The following RACK1 variants were observed in gnomAD, a reference collection of about 807,000 sequenced individuals.
RACK1 encodes small ribosomal subunit protein RACK1.
In RACK1, 3 loss-of-function variants were observed where a neutral mutation model predicts 42.2. The ratio of observed to expected loss-of-function variants is 0.07; its 90% CI spans 0.03 to 0.18. RACK1 has a LOEUF of 0.18. RACK1 is among the 10% of genes least tolerant of loss of function. The probability of loss-of-function intolerance (pLI) is 1.00; values close to 1 mark genes in which losing one functional copy is unlikely to be tolerated. For synonymous variants in RACK1, 181 were observed against 154.8 expected, an observed-to-expected ratio of 1.17 and a Z score of -1.25; for missense variants, 146 against 403.2, an observed-to-expected ratio of 0.36 and a Z score of 5.46.
At chr5:181,237,204 C>G in intron 7 of RACK1, 162 bp from the exon 8 acceptor site, 1 of 1,369,164 alleles carries the variant, frequency 7.3e-7, no homozygotes, top group South Asian at 1.3e-5. Context: ...TAAGCCCCTG[C>G]AGTTCAAGAG....
chr5:181,242,841 G>A, intron 1 of RACK1: 1 of 328,438 alleles, frequency 3.0e-6, no homozygotes, highest in Non-Finnish European at 5.9e-6. Context: ...TTATAGGCGT[G>A]AGCCACCGCG....
intron 2 of RACK1, 70 bp downstream of exon 2, chr5:181,242,104 C>T: frequency 1.5e-6 from 2 of 1,370,154 alleles, no homozygotes; most frequent in Non-Finnish European, 2.0e-6. Flanking sequence ...GGGAAACCAG[C>T]CAATTGCATC....
At position 181,243,743 on chromosome 5, in the gene RACK1, G is replaced by C. The variant is rs1201455778; in HGVS notation, c.58C>G (p.Gln20Glu). ...GGGAACTGCGGGGTAGTAGCGATCT[G>C]GGTTACCCAGCCGTTGTGGCCCTTG... ...TLKGHNGWVT[Q>E]IATTPQFPDM... is the part of the protein sequence containing the mutation. The change falls in exon 1 of 8, where the codon CAG (glutamine) becomes GAG (glutamate). Residue 20 changes from glutamine to glutamate, a missense_variant. Transcript: ENST00000512805. 6.2e-7 allele frequency: 1 copy of C among 1,609,994 alleles called. No homozygotes were observed. Among genetic ancestry groups the C allele is most frequent in the African/African-American group, 1.3e-5 (1 of 74,902 alleles).
chr5:181,243,454 C>G, intron 1 of RACK1: 1 of 1,497,348 alleles, frequency 6.7e-7, no homozygotes, highest in Non-Finnish European at 8.9e-7. Context: ...AACTCTCCAA[C>G]CCTCCTAGCA....
Position 181,236,986 on chromosome 5 carries a change from G to A in RACK1, c.945C>T (p.Gly315=). 2 of 1,613,470 alleles carry A rather than the reference G, an allele frequency of 1.2e-6. No individual in the cohort carries two copies. The highest frequency in any genetic ancestry group is 8.5e-7 in the Non-Finnish European group (1 of 1,179,864). The part of the protein sequence containing the change: ...NLVRVWQVTI[G]TR ...GCTCTGCCATAAACTTCTAGCGTGT[G>A]CCAATGGTCACCTGCCACACTCGCA... The change falls in exon 8 of 8, where the codon GGC becomes GGT. Residue 315 remains glycine, a synonymous_variant. Transcript: ENST00000512805.
At position 181,237,858 on chromosome 5, in the gene RACK1, G is replaced by A. The variant is rs1165604271; in HGVS notation, c.778-139C>T. The A allele has an allele frequency of 4.5e-6, 3 of 660,784 alleles. No homozygotes were observed. In the African/African-American group the frequency reaches 5.4e-5, roughly 12 times the overall value. The allele number at this position is 660,784 out of a possible 1,614,324, so 40.9% of individuals were successfully genotyped here. On this transcript the variant is annotated intron_variant, in intron 6 of 7. Coordinates refer to ENST00000512805, the MANE Select transcript of RACK1 (RefSeq NM_006098.5). Reference sequence around the variant, plus strand: ...GTATCAATGCCTACATGCATTTTCAGTTGCCACTAGTGGAAGGATGGTTTG... The same window carrying A: ...GTATCAATGCCTACATGCATTTTCAATTGCCACTAGTGGAAGGATGGTTTG...
rs73814543 is a variant in RACK1, at chr5:181,237,425, T to C, written c.888+184A>G. The stretch of plus-strand genomic sequence containing the variant: ...ACAGCCACTGCGTTCCACATCAGTC[T>C]TCCCTCTGATGCAGAAACACATTCA... On this transcript the variant is annotated intron_variant, in intron 7 of 7. Coordinates refer to ENST00000512805, the MANE Select transcript of RACK1 (RefSeq NM_006098.5). The C allele has an allele frequency of 2.8e-3, 1,917 of 676,244 alleles. 29 individuals carry two copies. In the African/African-American group the frequency reaches 0.031, roughly 11 times the overall value. 41.9% of individuals were successfully genotyped at this position (676,244 alleles called of 1,614,324 possible).
intron 1 of RACK1, 114 bp downstream of exon 1, chr5:181,243,578 C>G (rs1561681977): frequency 4.2e-6 from 6 of 1,438,310 alleles, no homozygotes; most frequent in Non-Finnish European, 5.6e-6. Flanking sequence ...GTCTGTCAGT[C>G]CCCGCCAACT....
intron 6 of RACK1, 47 bp from the exon 7 acceptor site, chr5:181,237,766 G>T: frequency 9.6e-7 from 1 of 1,039,534 alleles, no homozygotes; most frequent in Non-Finnish European, 1.5e-6. Flanking sequence ...AATCAAGAGA[G>T]TCTCCTCTTA....
Position 181,242,366 on chromosome 5 carries a change from GAAAA to G in RACK1, c.110-25_110-22del, listed in dbSNP as rs748813655. The G allele has an allele frequency of 5.1e-6, 8 of 1,581,224 alleles. No homozygotes were observed. The African/African-American group carries it at 6.7e-5, about 13-fold the overall frequency. The stretch of plus-strand genomic sequence containing the variant: ...CTTATCTAAAGGAGGTAAAACAGAA[GAAAA>G]ATCAGTGAGGAACCCGCAGCCCGTT... On this transcript the variant is annotated intron_variant, in intron 1 of 7. Transcript: ENST00000512805.
rs1464679422 is a variant in RACK1 at position 181,242,345 on chromosome 5, T to C, written c.110A>G (p.Asp37Gly). 1 of 1,608,230 alleles carries C rather than the reference T, an allele frequency of 6.2e-7. No individual in the cohort carries two copies. Among genetic ancestry groups the C allele is most frequent in the East Asian group, 2.2e-5 (1 of 44,816 alleles). The change falls in exon 2 of 8, where the codon GAT becomes GGT. Residue 37 changes from aspartate (D) to glycine (G), a missense_variant and splice_region_variant. By Grantham distance (94) the Asp-to-Gly change is moderately conservative. Transcript: ENST00000512805. ...CAGTTTCCACATGATGATGGTCTTA[T>C]CTAAAGGAGGTAAAACAGAAGAAAA... ...FPDMILSASR[D>G]KTIIMWKLTR...
rs568646577 is a variant in RACK1, at chr5:181,236,951, T to A, written c.*26A>T. 7.0e-6 allele frequency: 11 copies of A among 1,567,734 alleles called. No individual in the cohort carries two copies. The highest frequency in any genetic ancestry group is 2.8e-5 in the African/African-American group (2 of 72,056). On this transcript the variant is annotated 3_prime_UTR_variant, in exon 8 of 8. Transcript: ENST00000512805. Reference sequence around the variant, plus strand: ...AAGTCAGAAAAGCCAGTTTTTTTTTTATTTGTAAAGCTCTGCCATAAACTT... The same window carrying A: ...AAGTCAGAAAAGCCAGTTTTTTTTTAATTTGTAAAGCTCTGCCATAAACTT...
At chr5:181,239,880 A>G (rs1759274527) in intron 3 of RACK1, among the ~76,000 whole-genome samples, 1 of 152,142 alleles carries the variant, frequency 6.6e-6, no homozygotes, top group Non-Finnish European at 1.5e-5. Flanking sequence ...CCCTGTCTCT[A>G]CCAAAAATAC....
intron 1 of RACK1, chr5:181,243,209 G>A (rs1759420692): frequency 5.8e-6 from 7 of 1,208,718 alleles, no homozygotes; most frequent in Non-Finnish European, 7.7e-6. Context: ...AGGAACACAG[G>A]GATAGGGACG....
rs61735487 is a variant in RACK1, at chr5:181,243,904, G to A, written c.-104C>T. The stretch of plus-strand genomic sequence containing the variant: ...CCTGCCGCCGCCTTGCAGTGAAAGA[G>A]AGAGAGAAAAGCCCCCCGCCGGAAC... On this transcript the variant is annotated 5_prime_UTR_variant, in exon 1 of 8. Transcript: ENST00000512805. 8.6e-3 allele frequency: 12,476 copies of A among 1,449,890 alleles called. 60 individuals are homozygous for A. The highest frequency in any genetic ancestry group is 9.4e-3 in the Non-Finnish European group (10,314 of 1,100,954). 89.8% of individuals were successfully genotyped at this position (1,449,890 alleles called of 1,614,324 possible).
chr5:181,243,819 T>G lies in RACK1; in HGVS notation c.-19A>C. On this transcript the variant is annotated 5_prime_UTR_variant, in exon 1 of 8. Coordinates refer to ENST00000512805, the MANE Select transcript of RACK1 (RefSeq NM_006098.5). ...CAGTCATGGCGGCGGCGAGAGCGTG[T>G]GTCGCTGCAGCGACGAGGATGGCAC... 3 of 1,590,966 alleles carry G rather than the reference T, an allele frequency of 1.9e-6. No individual in the cohort carries two copies. The highest frequency in any genetic ancestry group is 2.6e-6 in the Non-Finnish European group (3 of 1,168,770).
intron 1 of RACK1, chr5:181,243,132 C>T: frequency 1.8e-6 from 1 of 570,918 alleles, no homozygotes; most frequent in Non-Finnish European, 2.8e-6. Flanking sequence ...AGACATGATT[C>T]AAAAGTCAGA....
chr5:181,239,882 C>CA (rs1410062413), intron 3 of RACK1, among the ~76,000 whole-genome samples: 1 of 150,010 alleles, frequency 6.7e-6, no homozygotes, highest in East Asian at 2.0e-4. Flanking sequence ...CTGTCTCTAC[C>CA]AAAAATACAA....
At chr5:181,241,777 G>A (rs762370438) in intron 2 of RACK1, 138 bp from the exon 3 acceptor site, 4 of 924,166 alleles carry the variant, frequency 4.3e-6, no homozygotes, top group Non-Finnish European at 3.6e-6. Context: ...AGAGTCAAGT[G>A]ACTGAGTATA....
Sources: gnomAD v4.1 joint callset for allele counts (sites outside exome capture counted in the v4.1 genomes callset) on GRCh38, gnomAD v4.1.1 for gene constraint, MANE v1.5 for transcripts, NCBI Gene and HGNC (gene_info 2026-07-23, HGNC 2026-07-21) for gene names.